Variants in CNTNAP2 observed in about 807,000 individuals in gnomAD.
CNTNAP2 encodes contactin associated protein 2, also known as contactin-associated protein-like 2.
CNTNAP2 carries 98 observed loss-of-function variants against 155.2 expected under a neutral mutation model. The observed-to-expected ratio is 0.63, with a 90% CI of 0.54 to 0.75. CNTNAP2 has a LOEUF of 0.75. Among genes scored for constraint, CNTNAP2 ranks in the 30% least tolerant of loss-of-function variants. The pLI is 0.00. For synonymous variants in CNTNAP2, 651 were observed against 631.2 expected (o/e 1.03, Z -0.47); for missense variants, 1,727 against 1,688.1 (o/e 1.02, Z -0.40).
chr7:147,439,614 A>G (rs564538252), intron 10 of CNTNAP2, among the ~76,000 whole-genome samples: 1 of 152,132 alleles, frequency 6.6e-6, no homozygotes, highest in African/African-American at 2.4e-5. Context: ...TATAGTATAT[A>G]TTAAGTCTGA....
chr7:147,862,743 T>C (rs1393072985), intron 13 of CNTNAP2, among the ~76,000 whole-genome samples: 1 of 152,074 alleles, frequency 6.6e-6, no homozygotes, highest in African/African-American at 2.4e-5. Context: ...AAGTGAACTT[T>C]AAAAAATACA....
At chr7:147,718,324 A>G (rs951390687) in intron 13 of CNTNAP2, among the ~76,000 whole-genome samples, 12 of 152,126 alleles carry the variant, frequency 7.9e-5, no homozygotes, top group African/African-American at 2.9e-4. Flanking sequence ...AATTAATGTA[A>G]CTGTAGCTAT....
chr7:148,282,518 C>T (rs1796991838), intron 21 of CNTNAP2, among the ~76,000 whole-genome samples: 1 of 152,194 alleles, frequency 6.6e-6, no homozygotes, highest in African/African-American at 2.4e-5. Flanking sequence ...GCTTATCACA[C>T]AGCCTGGCAC....
intron 15 of CNTNAP2, among the ~76,000 whole-genome samples, chr7:148,022,187 A>T (rs1585082256): frequency 1.4e-5 from 1 of 72,954 alleles, no homozygotes; most frequent in African/African-American, 5.8e-5. Context: ...AGAGGGTTTA[A>T]AAAAAAAAAT....
intron 1 of CNTNAP2, among the ~76,000 whole-genome samples, chr7:146,448,526 T>G (rs1796434540): frequency 6.6e-6 from 1 of 152,106 alleles, no homozygotes; most frequent in Middle Eastern, 3.4e-3. Context: ...TTTTTTATTA[T>G]ACTTTAAGTT....
At chr7:148,049,274 C>T (rs1802838808) in intron 15 of CNTNAP2, among the ~76,000 whole-genome samples, 1 of 152,158 alleles carries the variant, frequency 6.6e-6, no homozygotes, top group African/African-American at 2.4e-5. Flanking sequence ...TAACTTATTA[C>T]ATTTTTCACC....
intron 12 of CNTNAP2, among the ~76,000 whole-genome samples, chr7:147,576,534 T>C (rs921511480): frequency 6.6e-6 from 1 of 152,074 alleles, no homozygotes; most frequent in African/African-American, 2.4e-5. Context: ...ATCAGGTAAC[T>C]AGAGTCCTCT....
intron 1 of CNTNAP2, among the ~76,000 whole-genome samples, chr7:146,713,230 G>T (rs1226550035): frequency 6.6e-6 from 1 of 152,076 alleles, no homozygotes; most frequent in Non-Finnish European, 1.5e-5. Context: ...TCACATCAAA[G>T]AAAGCTTTGA....
intron 8 of CNTNAP2, among the ~76,000 whole-genome samples, chr7:147,169,302 T>C (rs1482686233): frequency 3.9e-5 from 6 of 152,196 alleles, no homozygotes; most frequent in Non-Finnish European, 5.9e-5. Context: ...TTAATTTAGA[T>C]ACAGCAGGTA....
intron 3 of CNTNAP2, among the ~76,000 whole-genome samples, chr7:147,031,921 A>C (rs1799041405): frequency 6.6e-6 from 1 of 152,234 alleles, no homozygotes; most frequent in South Asian, 2.1e-4. Flanking sequence ...CTGTCAAAAC[A>C]AAAGGCAAAA....
At chr7:147,908,361 C>G (rs544094515) in intron 14 of CNTNAP2, among the ~76,000 whole-genome samples, 1 of 152,296 alleles carries the variant, frequency 6.6e-6, no homozygotes, top group African/African-American at 2.4e-5. Flanking sequence ...CCAGGAAGCC[C>G]CTGCTTCTCT....
chr7:146,450,121 G>C (rs979129762), intron 1 of CNTNAP2, among the ~76,000 whole-genome samples: 4 of 152,004 alleles, frequency 2.6e-5, no homozygotes, highest in African/African-American at 9.7e-5. Context: ...TTTCCAAGGA[G>C]ATAAAACAAC....
At chr7:146,177,770 T>C (rs1204468126) in intron 1 of CNTNAP2, among the ~76,000 whole-genome samples, 7 of 152,336 alleles carry the variant, frequency 4.6e-5, no homozygotes, top group African/African-American at 1.7e-4. Flanking sequence ...TTCCCTCTTT[T>C]GTTATTTACA....
intron 22 of CNTNAP2, among the ~76,000 whole-genome samples, chr7:148,395,789 C>G (rs1799453645): frequency 6.6e-6 from 1 of 152,152 alleles, no homozygotes; most frequent in Non-Finnish European, 1.5e-5. Context: ...CTGTCTTAAC[C>G]AGGATCACTT....
chr7:146,894,783 T>C (rs528575720), intron 3 of CNTNAP2, among the ~76,000 whole-genome samples: 3 of 152,246 alleles, frequency 2.0e-5, no homozygotes, highest in Non-Finnish European at 4.4e-5. Context: ...TACATTCCCA[T>C]CAGCTACCAT....
chr7:147,406,860 C>A (rs1431346687), intron 10 of CNTNAP2, among the ~76,000 whole-genome samples: 1 of 152,070 alleles, frequency 6.6e-6, no homozygotes, highest in Non-Finnish European at 1.5e-5. Context: ...TTAAATAGAC[C>A]ATTATCTACA....
At chr7:146,512,505 C>CTT (rs201856105) in intron 1 of CNTNAP2, among the ~76,000 whole-genome samples, 3 of 143,080 alleles carry the variant, frequency 2.1e-5, no homozygotes, top group African/African-American at 7.7e-5. Context: ...TCTCTTGTTT[C>CTT]TTTTTTTTTT....
At position 147,905,924 on chromosome 7, in the gene CNTNAP2, C is replaced by T. The variant is rs558483607; in HGVS notation, c.2255+2203C>T. Among the ~76,000 whole-genome samples the T allele has an allele frequency of 2.3e-4, 34 of 149,690 alleles. No individual in the cohort carries two copies. In the South Asian group the frequency reaches 5.3e-3, roughly 23 times the overall value. ...AAACAAACAAACAAACAAAAAAAAA[C>T]TGATGGAAGAAATTTTCAATCTAAC... is the stretch of plus-strand genomic sequence containing the variant. On this transcript the variant is annotated intron_variant, in intron 14 of 23. Transcript: ENST00000361727.
intron 8 of CNTNAP2, among the ~76,000 whole-genome samples, chr7:147,238,234 C>G (rs1011098592): frequency 6.6e-6 from 1 of 152,124 alleles, no homozygotes; most frequent in Non-Finnish European, 1.5e-5. Flanking sequence ...CCAGGATGGT[C>G]TCCATCTCCT....
Sources: allele counts gnomAD v4.1 joint callset (sites outside exome capture counted in the v4.1 genomes callset), GRCh38; gene constraint gnomAD v4.1.1; transcripts MANE v1.5; gene names NCBI Gene and HGNC (gene_info 2026-07-23, HGNC 2026-07-21).